USP13: variants seen among roughly 807,000 people sequenced by gnomAD.
USP13 encodes the protein ubiquitin carboxyl-terminal hydrolase 13.
In USP13, 68 loss-of-function variants were observed where a neutral mutation model predicts 107.8. The observed-to-expected ratio is 0.63, with a 90% CI of 0.52 to 0.77. USP13 has a LOEUF of 0.77. Ranked by LOEUF, USP13 falls within the 30% of genes least tolerant of loss-of-function variation. The pLI, the probability that USP13 is intolerant of heterozygous loss-of-function variation, is 0.00. For synonymous variants in USP13, 377 were observed against 389.5 expected (o/e 0.97, Z 0.38); for missense variants, 945 against 1,093.3 (o/e 0.86, Z 1.91).
chr3:179,656,401 C>T (rs1720262408), intron 1 of USP13, among the ~76,000 whole-genome samples: 2 of 152,354 alleles, frequency 1.3e-5, no homozygotes, highest in South Asian at 4.1e-4. Context: ...AGTGTACCTA[C>T]CATGTCTAAG....
At chr3:179,710,158 A>G (rs937070544) in intron 6 of USP13, among the ~76,000 whole-genome samples, 1 of 152,250 alleles carries the variant, frequency 6.6e-6, no homozygotes, top group African/African-American at 2.4e-5. Context: ...CCCAAAGTGA[A>G]TAAAGATACA....
At chr3:179,776,586 T>C (rs1039244895) in intron 19 of USP13, among the ~76,000 whole-genome samples, 2 of 151,910 alleles carry the variant, frequency 1.3e-5, no homozygotes, top group Non-Finnish European at 2.9e-5. Flanking sequence ...AAATGTTAGT[T>C]TCAGACACAG....
intron 10 of USP13, among the ~76,000 whole-genome samples, chr3:179,734,337 C>G: frequency 6.6e-6 from 1 of 152,158 alleles, no homozygotes; most frequent in East Asian, 1.9e-4. Flanking sequence ...AATATTTTCT[C>G]TATCTTTATG....
At chr3:179,715,925 C>G (rs1432420780) in intron 6 of USP13, among the ~76,000 whole-genome samples, 1 of 151,910 alleles carries the variant, frequency 6.6e-6, no homozygotes, top group Non-Finnish European at 1.5e-5. Flanking sequence ...AGTTTTTGTT[C>G]TGTTTTGTTT....
chr3:179,692,149 G>A (rs1244192563), intron 3 of USP13, among the ~76,000 whole-genome samples: 5 of 152,224 alleles, frequency 3.3e-5, no homozygotes, highest in Non-Finnish European at 2.9e-5. Context: ...GATCAGAAGA[G>A]TCTGGAAGAA....
At chr3:179,680,173 A>AAACAACAAC (rs56274945) in intron 1 of USP13, among the ~76,000 whole-genome samples, 19,689 of 150,170 alleles carry the variant, frequency 0.13, 1,422 homozygotes, top group South Asian at 0.16. Flanking sequence ...ACGCTGTTGA[A>AAACAACAAC]AACAACAACA....
rs879505016 is a variant in USP13, at chr3:179,758,502, A to AT, written c.1948+1438dup. On this transcript the variant is annotated intron_variant, in intron 16 of 20. Transcript: ENST00000263966. ...GACATTTGCATCCTACCTTTCTTAA[A>AT]TTTTTTTTTTTTTTGAGACGGAGTC... Among the ~76,000 whole-genome samples the AT allele has an allele frequency of 4.5e-3, 660 of 146,124 alleles. 3 individuals carry two copies. Among genetic ancestry groups the AT allele is most frequent in the African/African-American group, 9.7e-3 (390 of 40,204 alleles).
At chr3:179,663,344 C>T (rs1308053831) in intron 1 of USP13, among the ~76,000 whole-genome samples, 1 of 152,210 alleles carries the variant, frequency 6.6e-6, no homozygotes, top group Non-Finnish European at 1.5e-5. Flanking sequence ...GATAATATCC[C>T]ATTGTGTGTA....
rs147774872 is a variant in USP13 at position 179,777,317 on chromosome 3, G to A, written c.2414-4422G>A. On this transcript the variant is annotated intron_variant, in intron 19 of 20. Transcript: ENST00000263966. ...GTTGGTATCTGTGCTTTGTTTCACT[G>A]ATGTGACCCTGTCTTATGGTGGGAA... 1.1e-3 allele frequency among the ~76,000 whole-genome samples: 168 copies of A among 152,068 alleles called. 2 individuals carry two copies. The highest frequency in any genetic ancestry group is 3.8e-3 in the African/African-American group (157 of 41,482).
chr3:179,738,592 C>T (rs1714074211), intron 10 of USP13, among the ~76,000 whole-genome samples: 1 of 152,154 alleles, frequency 6.6e-6, no homozygotes, highest in Non-Finnish European at 1.5e-5. Flanking sequence ...AGTAGATGGG[C>T]TGAACTTGGA....
intron 3 of USP13, among the ~76,000 whole-genome samples, chr3:179,690,881 A>G (rs573519086): frequency 2.0e-5 from 3 of 152,286 alleles, no homozygotes; most frequent in African/African-American, 7.2e-5. Flanking sequence ...CTGACTTTCA[A>G]TAGCTGGCTC....
chr3:179,738,237 G>T (rs2108510187), intron 10 of USP13, among the ~76,000 whole-genome samples: 1 of 152,362 alleles, frequency 6.6e-6, no homozygotes, highest in African/African-American at 2.4e-5. Flanking sequence ...AATATGGTCT[G>T]CAAGCTAAGC....
chr3:179,784,158 T>C lies in USP13; in HGVS notation c.*17T>C. 1 of 1,586,826 alleles carries C rather than the reference T, an allele frequency of 6.3e-7. No individual in the cohort carries two copies. The highest frequency in any genetic ancestry group is 8.5e-7 in the Non-Finnish European group (1 of 1,171,200). Reference sequence around the variant, plus strand: ...CCAAGCTAAACCTCAAATATAAAAATTGGCGAAAAGAAGCCATACGCCTTT... The same window carrying C: ...CCAAGCTAAACCTCAAATATAAAAACTGGCGAAAAGAAGCCATACGCCTTT... On this transcript the variant is annotated 3_prime_UTR_variant, in exon 21 of 21. Transcript: ENST00000263966.
intron 2 of USP13, among the ~76,000 whole-genome samples, chr3:179,683,342 A>G (rs1329411447): frequency 6.6e-6 from 1 of 152,114 alleles, no homozygotes; most frequent in Non-Finnish European, 1.5e-5. Context: ...TGCTTTTTGT[A>G]TCTTGTCTAA....
At position 179,721,316 on chromosome 3, in the gene USP13, C is replaced by A. The variant is rs761719198; in HGVS notation, c.901-86C>A. ...TGGGGAAAAAAATGGCAGAAACATCCTATGCTGTTAGAAATAATTAACGGG... is the reference window on the plus strand; with the variant it reads ...TGGGGAAAAAAATGGCAGAAACATCATATGCTGTTAGAAATAATTAACGGG... On this transcript the variant is annotated intron_variant, in intron 7 of 20. Coordinates refer to ENST00000263966, the MANE Select transcript of USP13 (RefSeq NM_003940.3). This position sits in a 1 kb window ranked among gnomAD's most constrained non-coding sequence, Gnocchi z 4.3. 3 of 1,442,008 alleles carry A rather than the reference C, an allele frequency of 2.1e-6. No individual in the cohort carries two copies. In the Admixed American group the frequency reaches 6.4e-5, roughly 31 times the overall value. The allele number at this position is 1,442,008 out of a possible 1,614,324, so 89.3% of individuals were successfully genotyped here.
At position 179,653,307 on chromosome 3, in the gene USP13, C is replaced by T; in HGVS notation, c.82C>T (p.Leu28=). The stretch of plus-strand genomic sequence containing the variant: ...GGCTGCAGGAGACATCGGCGAGCTG[C>T]TAGTGCCCCACATGCCCACGATCCG... ...KMAAGDIGEL[L]VPHMPTIRVP... The change falls in exon 1 of 21, where the codon CTA becomes TTA. Residue 28 remains leucine, a synonymous_variant. Coordinates refer to ENST00000263966, the MANE Select transcript of USP13 (RefSeq NM_003940.3). The surrounding 1 kb of genome is among the most constrained non-coding windows in gnomAD (Gnocchi z 4.0). 6.3e-7 allele frequency: 1 copy of T among 1,577,314 alleles called. No homozygotes were observed. The highest frequency in any genetic ancestry group is 8.6e-7 in the Non-Finnish European group (1 of 1,162,158).
chr3:179,671,312 T>C (rs183282276), intron 1 of USP13, among the ~76,000 whole-genome samples: 1 of 152,238 alleles, frequency 6.6e-6, no homozygotes, highest in East Asian at 1.9e-4. Flanking sequence ...CATAAAGCTG[T>C]GTGGTTGGGA....
At chr3:179,674,206 G>A (rs773906880) in intron 1 of USP13, among the ~76,000 whole-genome samples, 6 of 152,100 alleles carry the variant, frequency 3.9e-5, no homozygotes, top group Non-Finnish European at 7.4e-5. Context: ...TTTGAGATTT[G>A]TATAGCAACT....
intron 19 of USP13, among the ~76,000 whole-genome samples, chr3:179,775,572 G>A (rs1021902187): frequency 7.9e-5 from 12 of 152,226 alleles, no homozygotes; most frequent in African/African-American, 1.4e-4. Flanking sequence ...AGCAGGGGGC[G>A]GTGCCCCTCG....
Sources: allele counts gnomAD v4.1 joint callset (sites outside exome capture counted in the v4.1 genomes callset), GRCh38; gene constraint gnomAD v4.1.1; non-coding constraint Gnocchi (gnomAD v3.1); transcripts MANE v1.5; gene names NCBI Gene and HGNC (gene_info 2026-07-23, HGNC 2026-07-21).